MTERF4: variants seen among roughly 807,000 people sequenced by gnomAD.
MTERF4 encodes transcription termination factor 4, mitochondrial.
Under a neutral mutation model 22.5 loss-of-function variants are expected in MTERF4, and 17 were observed. The observed-to-expected ratio is 0.75, with a 90% CI of 0.52 to 1.13. The LOEUF is 1.13. MTERF4 is among the 50% of genes most tolerant of loss of function. MTERF4 has a pLI of 0.00. For missense variants in MTERF4, 420 were observed against 466.8 expected, an observed-to-expected ratio of 0.90 and a Z score of 0.92; for synonymous variants, 165 against 175.3, an observed-to-expected ratio of 0.94 and a Z score of 0.47.
Position 241,073,070 on chromosome 2 carries a change from G to A in MTERF4, n.3092C>T. The A allele has an allele frequency of 3.5e-6, 2 of 571,710 alleles. No individual in the cohort carries two copies. The highest frequency in any genetic ancestry group is 6.2e-6 in the Non-Finnish European group (2 of 320,394). The allele number at this position is 571,710 out of a possible 1,614,324, so 35.4% of individuals were successfully genotyped here. ...GGGGAAGGCCGAGCCCCTCCAGAGG[G>A]TCAGCAGGAGGGTGAGGCCAGCCCT... On this transcript the variant is annotated non_coding_transcript_exon_variant, in exon 5 of 5. Coordinates refer to the MTERF4 transcript ENST00000464344. The surrounding 1 kb of genome is among the most constrained non-coding windows in gnomAD (Gnocchi z 6.6).
intron 4 of MTERF4, chr2:241,081,620 T>A: frequency 7.8e-7 from 1 of 1,287,058 alleles, no homozygotes; most frequent in South Asian, 1.3e-5. Flanking sequence ...AACATGTCCA[T>A]GAGGCAGGCC....
At chr2:241,063,538 C>T in the MTERF4 span, 11 of 1,245,470 alleles carry the variant, frequency 8.8e-6, no homozygotes, top group African/African-American at 7.4e-5. Flanking sequence ...GGCATGTGGG[C>T]GCCTCAGACT....
chr2:241,042,900 G>T, the MTERF4 span, among the ~76,000 whole-genome samples: 3 of 152,194 alleles, frequency 2.0e-5, no homozygotes, highest in African/African-American at 7.2e-5. Flanking sequence ...CACGTATCTG[G>T]AGTCTGCGAA....
At chr2:241,048,274 A>T in the MTERF4 span, 1 of 1,554,222 alleles carries the variant, frequency 6.4e-7, no homozygotes, top group Non-Finnish European at 8.7e-7. Flanking sequence ...CTCTCCCCAC[A>T]TTCCCTGCGT....
chr2:241,051,092 A>C, the MTERF4 span, among the ~76,000 whole-genome samples: 1 of 152,264 alleles, frequency 6.6e-6, no homozygotes, highest in African/African-American at 2.4e-5. The surrounding 1 kb of genome is among the most constrained non-coding windows in gnomAD (Gnocchi z 4.7). Context: ...AGGAGCGAGC[A>C]CAGTGGGGCA....
intron 4 of MTERF4, among the ~76,000 whole-genome samples, chr2:241,079,175 G>A (rs2063202627): frequency 6.6e-6 from 1 of 150,490 alleles, no homozygotes; most frequent in Non-Finnish European, 1.5e-5. Context: ...CACTTTGGGA[G>A]GCCGAGGCAG....
downstream of MTERF4, among the ~76,000 whole-genome samples, chr2:241,086,263 G>C (rs1293235108): frequency 6.6e-6 from 1 of 152,122 alleles, no homozygotes; most frequent in Non-Finnish European, 1.5e-5. Context: ...TTGCCTTGTG[G>C]GGATTCACCC....
At chr2:241,071,709 C>T (rs2062726764), downstream of MTERF4, 4 of 1,478,248 alleles carry the variant, frequency 2.7e-6, no homozygotes, top group Admixed American at 6.0e-5. Context: ...AGACCCCCAC[C>T]CAGCCCCCCA....
At chr2:241,063,532 T>C in the MTERF4 span, 1 of 1,166,394 alleles carries the variant, frequency 8.6e-7, no homozygotes, top group Non-Finnish European at 1.3e-6. Context: ...CCTGGGGGCA[T>C]GTGGGCGCCT....
the MTERF4 span, chr2:241,052,166 G>A: frequency 6.8e-6 from 11 of 1,609,398 alleles, no homozygotes; most frequent in Non-Finnish European, 8.5e-6. Context: ...AGGTAAGGTG[G>A]GTGGGAGGCC....
At chr2:241,056,390 A>G in the MTERF4 span, among the ~76,000 whole-genome samples, 20 of 152,186 alleles carry the variant, frequency 1.3e-4, no homozygotes, top group Non-Finnish European at 2.2e-4. Context: ...TGCTGGGATT[A>G]CAGGCATGAA....
the MTERF4 span, among the ~76,000 whole-genome samples, chr2:241,047,520 A>G: frequency 6.6e-6 from 1 of 152,264 alleles, no homozygotes; most frequent in Non-Finnish European, 1.5e-5. Context: ...CGTTATTCTC[A>G]AGTGCTCTTG....
At chr2:241,091,453 C>A (rs1279844816), downstream of MTERF4, among the ~76,000 whole-genome samples, 1 of 152,004 alleles carries the variant, frequency 6.6e-6, no homozygotes, top group Non-Finnish European at 1.5e-5. This position sits in a 1 kb window ranked among gnomAD's most constrained non-coding sequence, Gnocchi z 4.1. Flanking sequence ...TCCTGGTGCT[C>A]TAAGAACGCG....
the MTERF4 span, among the ~76,000 whole-genome samples, chr2:241,055,150 A>G: frequency 5.9e-5 from 9 of 152,124 alleles, no homozygotes; most frequent in South Asian, 1.9e-3. Flanking sequence ...TGTGCTGTAG[A>G]GGGTAGAAGG....
rs773631761 is a variant in MTERF4, at chr2:241,099,702, T to A, written c.214A>T (p.Asn72Tyr). 6 of 1,614,174 alleles carry A rather than the reference T, an allele frequency of 3.7e-6. No individual in the cohort carries two copies. The highest frequency in any genetic ancestry group is 5.1e-6 in the Non-Finnish European group (6 of 1,180,036). ...TTCTCAAGGAGGCACTGAACAAGAT[T>A]CCTCCTGCACTCTGGTTCCTGCACA... ...NYVQEPECRR[N>Y]LVQCLLEKQG... Residue 72 changes from asparagine (N) to tyrosine (Y), a missense_variant, in exon 2 of 4, where the codon AAT becomes TAT. Coordinates refer to ENST00000391980, the MANE Select transcript of MTERF4 (RefSeq NM_182501.4).
exon 5 of MTERF4, chr2:241,074,095 AG>A (rs1350008027): frequency 6.6e-6 from 1 of 152,216 alleles, no homozygotes; most frequent in African/African-American, 2.4e-5. Context: ...GTCATACCAT[AG>A]ACTCAGATTG....
chr2:241,050,058 C>T, the MTERF4 span: 1 of 749,500 alleles, frequency 1.3e-6, no homozygotes, highest in East Asian at 2.7e-5. Context: ...AGAGCCTTGC[C>T]TGATGTGCTG....
At chr2:241,052,600 TATATGGGATACCAGTGC>T in the MTERF4 span, 2 of 624,990 alleles carry the variant, frequency 3.2e-6, no homozygotes, top group Non-Finnish European at 2.8e-6. Flanking sequence ...CCAAGCAGGA[TATATGGGATACCAGTGC>T]CAGGCAGGTG....
Position 241,095,788 on chromosome 2 carries a change from A to C in MTERF4, c.*210T>G. The C allele has an allele frequency of 1.2e-6, 1 of 837,724 alleles. No individual in the cohort carries two copies. The highest frequency in any genetic ancestry group is 2.8e-5 in the Admixed American group (1 of 36,160). The allele number at this position is 837,724 out of a possible 1,614,324, so 51.9% of individuals were successfully genotyped here. A position where few individuals can be genotyped will look rare whatever the true frequency, so the allele number is the denominator to read the frequency against. ...ATGGGACAGGGCCCTCCCCACAGAC[A>C]CGTGACAACAGATCAAACATGCATT... On this transcript the variant is annotated 3_prime_UTR_variant, in exon 4 of 4. Coordinates refer to ENST00000391980, the MANE Select transcript of MTERF4 (RefSeq NM_182501.4).
Sources: allele counts gnomAD v4.1 joint callset (sites outside exome capture counted in the v4.1 genomes callset), GRCh38; gene constraint gnomAD v4.1.1; non-coding constraint Gnocchi (gnomAD v3.1); transcripts MANE v1.5; gene names NCBI Gene and HGNC (gene_info 2026-07-23, HGNC 2026-07-21).